SEC14L2: variants seen among roughly 807,000 people sequenced by gnomAD.
SEC14L2 encodes SEC14-like protein 2.
Under a neutral mutation model 56.9 loss-of-function variants are expected in SEC14L2, and 50 were observed. That is an observed-to-expected ratio of 0.88 (90% CI 0.70 to 1.11). The LOEUF is 1.11. Among genes scored for constraint, SEC14L2 ranks in the 50% most tolerant of loss-of-function variants. SEC14L2 has a pLI of 0.00. For synonymous variants in SEC14L2, 179 were observed against 188.5 expected, an observed-to-expected ratio of 0.95 and a Z score of 0.41; for missense variants, 414 against 500.7, an observed-to-expected ratio of 0.83 and a Z score of 1.65.
At chr22:30,413,766 C>G (rs560184842) in intron 8 of SEC14L2, among the ~76,000 whole-genome samples, 1 of 151,682 alleles carries the variant, frequency 6.6e-6, no homozygotes, top group East Asian at 1.9e-4. Flanking sequence ...CTTCTGGGTT[C>G]CAGACTTAGC....
chr22:30,411,983 G>C (rs1403681286), intron 8 of SEC14L2, among the ~76,000 whole-genome samples: 2 of 152,146 alleles, frequency 1.3e-5, no homozygotes, highest in Non-Finnish European at 2.9e-5. Context: ...GAAGCTGCTT[G>C]GCAGAAAGAA....
At chr22:30,422,154 T>C (rs940336495) in intron 11 of SEC14L2, 123 bp from the exon 12 acceptor site, 113 of 1,209,438 alleles carry the variant, frequency 9.3e-5, no homozygotes, top group Non-Finnish European at 1.3e-4. Context: ...TTACCTAGGC[T>C]ACCTTCATCC....
Position 30,423,287 on chromosome 22 carries a change from A to AAGAGAGC in SEC14L2, c.*883_*889dup, listed in dbSNP as rs1024879267. 2.7e-4 allele frequency: 42 copies of AAGAGAGC among 152,852 alleles called. No individual in the cohort carries two copies. The highest frequency in any genetic ancestry group is 1.0e-3 in the African/African-American group (42 of 41,578). 9.5% of individuals were successfully genotyped at this position (152,852 alleles called of 1,614,324 possible). A position where few individuals can be genotyped will look rare whatever the true frequency, so the allele number is the denominator to read the frequency against. ...CGAGACAAAAATGCTAAGTGGGATC[A>AAGAGAGC]AGAGAGCAGCACTCGGAGAGGGTGT... On this transcript the variant is annotated 3_prime_UTR_variant, in exon 12 of 12. Coordinates refer to ENST00000615189, the MANE Select transcript of SEC14L2 (RefSeq NM_012429.5).
Position 30,416,405 on chromosome 22 carries a change from T to C in SEC14L2, c.1081+2T>C. 1 of 1,614,264 alleles carries C rather than the reference T, an allele frequency of 6.2e-7. No individual in the cohort carries two copies. Among genetic ancestry groups the C allele is most frequent in the South Asian group, 1.1e-5 (1 of 91,090 alleles). On this transcript the variant is annotated splice_donor_variant, in intron 11 of 11. Transcript: ENST00000615189. LOFTEE classifies it high-confidence loss of function. ...TCACCTGCAGTGATCCTGGCATCTG[T>C]AAGTATCTCTGCCTTGGCAATGCCT...
chr22:30,409,377 G>A, intron 6 of SEC14L2, 49 bp from the exon 7 acceptor site: 4 of 1,609,452 alleles, frequency 2.5e-6, no homozygotes, highest in Non-Finnish European at 3.4e-6. Context: ...TGAGGCAATG[G>A]GGGCAGATTC....
intron 5 of SEC14L2, 174 bp from the exon 6 acceptor site, chr22:30,409,013 G>A (rs34158422): frequency 2.2e-4 from 155 of 707,796 alleles, no homozygotes; most frequent in African/African-American, 1.1e-3. Flanking sequence ...AGAGTGACTC[G>A]CCTAGACCAC....
chr22:30,422,364 CAGAAG>C lies in SEC14L2; in HGVS notation c.1176_1180del (p.Glu392AspfsTer40). ...GAGGTCCTGCTTCCAGACAAAGCCT[CAGAAG>C]AGAAGATGAAACAGCTGGGGGCAGG... On this transcript the variant is annotated frameshift_variant, in exon 12 of 12. Transcript: ENST00000615189. LOFTEE classifies it high-confidence loss of function. 2 of 1,614,190 alleles carry C rather than the reference CAGAAG, an allele frequency of 1.2e-6. No homozygotes were observed. Among genetic ancestry groups the C allele is most frequent in the South Asian group, 1.1e-5 (1 of 91,088 alleles).
Position 30,425,269 on chromosome 22 carries a change from C to T in SEC14L2, c.*2862C>T, listed in dbSNP as rs1934638740. The T allele has an allele frequency of 6.0e-6, 1 of 167,790 alleles. No homozygotes were observed. Among genetic ancestry groups the T allele is most frequent in the Non-Finnish European group, 1.3e-5 (1 of 76,042 alleles). 10.4% of individuals were successfully genotyped at this position (167,790 alleles called of 1,614,324 possible). A position where few individuals can be genotyped will look rare whatever the true frequency, so the allele number is the denominator to read the frequency against. On this transcript the variant is annotated 3_prime_UTR_variant, in exon 12 of 12. Coordinates refer to ENST00000615189, the MANE Select transcript of SEC14L2 (RefSeq NM_012429.5). Reference sequence around the variant, plus strand: ...GTCCTTTAGCGAACATGTAGACTGGCAATAAACTCAATAAATGGTGACTGT... The same window carrying T: ...GTCCTTTAGCGAACATGTAGACTGGTAATAAACTCAATAAATGGTGACTGT...
In SEC14L2 at chr22:30,416,505, T is replaced by C. The variant is rs565999740; in HGVS notation, c.1081+102T>C. Reference sequence around the variant, plus strand: ...GATTTTTGGCTCTGAGTGTTAGAACTAGAAGTGGAATGCCATCAGTTCAAT... The same window carrying C: ...GATTTTTGGCTCTGAGTGTTAGAACCAGAAGTGGAATGCCATCAGTTCAAT... On this transcript the variant is annotated intron_variant, in intron 11 of 11. Coordinates refer to ENST00000615189, the MANE Select transcript of SEC14L2 (RefSeq NM_012429.5). 1.3e-4 allele frequency: 210 copies of C among 1,593,610 alleles called. 1 individual carries two copies. Among genetic ancestry groups the C allele is most frequent in the South Asian group, 1.1e-4 (10 of 88,690 alleles).
rs2146018989 is a variant in SEC14L2, at chr22:30,406,334, T to C, written c.131-8T>C. On this transcript the variant is annotated splice_polypyrimidine_tract_variant and splice_region_variant and intron_variant, in intron 2 of 11. Transcript: ENST00000615189. ...CTAACCCTGACCAGAACTGTTTCCC[T>C]GTTACAGCCAGAAGCTTCGACCTGC... 6.2e-7 allele frequency: 1 copy of C among 1,614,030 alleles called. No homozygotes were observed. The highest frequency in any genetic ancestry group is 8.5e-7 in the Non-Finnish European group (1 of 1,179,944).
intron 8 of SEC14L2, among the ~76,000 whole-genome samples, chr22:30,411,582 C>T (rs1029829682): frequency 6.6e-5 from 10 of 151,706 alleles, no homozygotes; most frequent in Non-Finnish European, 1.3e-4. Flanking sequence ...CCCATCTCTG[C>T]TAAAAATAGA....
intron 2 of SEC14L2, among the ~76,000 whole-genome samples, chr22:30,403,586 T>C (rs1291300691): frequency 6.6e-6 from 1 of 152,196 alleles, no homozygotes; most frequent in Non-Finnish European, 1.5e-5. Context: ...CAAGAGCAGG[T>C]GGCAACTCTG....
At position 30,425,131 on chromosome 22, in the gene SEC14L2, C is replaced by A. The variant is rs550433152; in HGVS notation, c.*2724C>A. The A allele has an allele frequency of 4.6e-6, 1 of 219,014 alleles. No homozygotes were observed. Among genetic ancestry groups the A allele is most frequent in the Non-Finnish European group, 9.5e-6 (1 of 105,506 alleles). The allele number at this position is 219,014 out of a possible 1,614,324, so 13.6% of individuals were successfully genotyped here. On this transcript the variant is annotated 3_prime_UTR_variant, in exon 12 of 12. Coordinates refer to ENST00000615189, the MANE Select transcript of SEC14L2 (RefSeq NM_012429.5). ...TTGGATTCAAATCACAACTTCACCA[C>A]TTAGCAGCTGTGTGTTCTGGGAAAA...
intron 11 of SEC14L2, chr22:30,416,913 T>A (rs1934405327): frequency 1.0e-6 from 1 of 957,646 alleles, no homozygotes; most frequent in Non-Finnish European, 1.3e-6. Context: ...AAACAGACAT[T>A]TGAAAAGGTG....
intron 11 of SEC14L2, 33 bp downstream of exon 11, chr22:30,416,436 C>A: frequency 6.2e-7 from 1 of 1,614,222 alleles, no homozygotes; most frequent in South Asian, 1.1e-5. Context: ...TGCCTTGAAG[C>A]CCCATGTCCA....
intron 11 of SEC14L2, among the ~76,000 whole-genome samples, chr22:30,419,506 G>A (rs1934462713): frequency 6.6e-6 from 1 of 152,156 alleles, no homozygotes; most frequent in Admixed American, 6.5e-5. Flanking sequence ...TTGCACCACT[G>A]CACTCCAACC....
In SEC14L2 at chr22:30,422,362, C is replaced by T; in HGVS notation, c.1167C>T (p.Ala389=). ...FTVEVLLPDK[A]SEEKMKQLGA... is the part of the protein sequence containing the mutation. ...TGGAGGTCCTGCTTCCAGACAAAGC[C>T]TCAGAAGAGAAGATGAAACAGCTGG... The change falls in exon 12 of 12, where the codon GCC becomes GCT. Residue 389 remains alanine, a synonymous_variant. Transcript: ENST00000615189. The T allele has an allele frequency of 1.2e-6, 2 of 1,614,200 alleles. No individual in the cohort carries two copies. The highest frequency in any genetic ancestry group is 1.7e-6 in the Non-Finnish European group (2 of 1,180,032).
At chr22:30,408,761 G>C (rs1213526827) in intron 5 of SEC14L2, among the ~76,000 whole-genome samples, 1 of 152,214 alleles carries the variant, frequency 6.6e-6, no homozygotes, top group Non-Finnish European at 1.5e-5. Context: ...CCTACTGTGC[G>C]CAGAGACCCT....
At position 30,409,494 on chromosome 22, in the gene SEC14L2, G is replaced by A; in HGVS notation, c.580+8G>A. 6.2e-7 allele frequency: 1 copy of A among 1,613,790 alleles called. No homozygotes were observed. Among genetic ancestry groups the A allele is most frequent in the Non-Finnish European group, 8.5e-7 (1 of 1,179,708 alleles). ...GTCTTTTTGTTGTTAAAGGTAAGTT[G>A]GGAATTTCTTGTGATAAAGCCAGAT... is the stretch of plus-strand genomic sequence containing the variant. On this transcript the variant is annotated splice_region_variant and intron_variant, in intron 7 of 11. Coordinates refer to ENST00000615189, the MANE Select transcript of SEC14L2 (RefSeq NM_012429.5).
Sources: gnomAD v4.1 joint callset for allele counts (sites outside exome capture counted in the v4.1 genomes callset) on GRCh38, gnomAD v4.1.1 for gene constraint, MANE v1.5 for transcripts, NCBI Gene and HGNC (gene_info 2026-07-23, HGNC 2026-07-21) for gene names.